Variants in TMPRSS11F observed in about 807,000 individuals in gnomAD.
TMPRSS11F encodes the protein transmembrane serine protease 11F.
TMPRSS11F carries 47 observed loss-of-function variants against 60.2 expected under a neutral mutation model. The ratio of observed to expected loss-of-function variants is 0.78; its 90% CI spans 0.62 to 1.00. The LOEUF (loss-of-function observed/expected upper bound fraction) is 1.00. TMPRSS11F is among the 50% of genes least tolerant of loss of function. TMPRSS11F has a pLI of 0.00. For synonymous variants in TMPRSS11F, 166 were observed against 167.3 expected (o/e 0.99, Z 0.06); for missense variants, 519 against 522.9 (o/e 0.99, Z 0.07).
At chr4:68,123,244 C>T (rs1322920178) in intron 1 of TMPRSS11F, among the ~76,000 whole-genome samples, 4 of 152,168 alleles carry the variant, frequency 2.6e-5, no homozygotes, top group Non-Finnish European at 5.9e-5. Flanking sequence ...AGTACACTGA[C>T]TAAATTCTTG....
chr4:68,094,539 T>G (rs1405704220), intron 2 of TMPRSS11F, among the ~76,000 whole-genome samples: 3 of 147,728 alleles, frequency 2.0e-5, no homozygotes, highest in Non-Finnish European at 4.5e-5. Context: ...CCCTAAAACT[T>G]AAAGTATAAT....
intron 7 of TMPRSS11F, among the ~76,000 whole-genome samples, chr4:68,068,225 T>C (rs1723370052): frequency 6.6e-6 from 1 of 152,140 alleles, no homozygotes; most frequent in Non-Finnish European, 1.5e-5. Context: ...ATTTGTAAAG[T>C]GATGGCAATG....
chr4:68,066,019 G>A (rs1266627715), intron 7 of TMPRSS11F, among the ~76,000 whole-genome samples: 2 of 151,004 alleles, frequency 1.3e-5, no homozygotes, highest in East Asian at 3.9e-4. Flanking sequence ...AGGAAGCTGA[G>A]GCAGGAGAAT....
chr4:68,122,624 C>T (rs967108911), intron 1 of TMPRSS11F, among the ~76,000 whole-genome samples: 2 of 152,108 alleles, frequency 1.3e-5, no homozygotes, highest in Non-Finnish European at 1.5e-5. Flanking sequence ...GTCATTTATT[C>T]TAATGCATAG....
chr4:68,063,352 TTCTC>T (rs1255135516), intron 8 of TMPRSS11F: 18 of 442,612 alleles, frequency 4.1e-5, no homozygotes, highest in African/African-American at 8.2e-5. Context: ...GTTAATCTTT[TTCTC>T]TCTTTTTTTT....
At chr4:68,060,385 G>A (rs1276287891) in intron 8 of TMPRSS11F, among the ~76,000 whole-genome samples, 2 of 150,440 alleles carry the variant, frequency 1.3e-5, no homozygotes, top group African/African-American at 2.4e-5. Flanking sequence ...GCGTGATGGC[G>A]GGTGCCTGTA....
chr4:68,095,759 G>C lies in TMPRSS11F; in HGVS notation c.163+3128C>G, dbSNP rs531061619. On this transcript the variant is annotated intron_variant, in intron 2 of 9. Transcript: ENST00000356291. Reference sequence around the variant, plus strand: ...AAAAACACAAAAATTATCTGGGCATGGTGGCGGGTGCCTGTAATCCCAGCT... The same window carrying C: ...AAAAACACAAAAATTATCTGGGCATCGTGGCGGGTGCCTGTAATCCCAGCT... Among the ~76,000 whole-genome samples, 461 of 152,152 alleles carry C rather than the reference G, an allele frequency of 3.0e-3. 5 individuals carry two copies. Among genetic ancestry groups the C allele is most frequent in the African/African-American group, 0.011 (441 of 41,542 alleles).
At chr4:68,063,225 A>T in intron 8 of TMPRSS11F, 1 of 582,514 alleles carries the variant, frequency 1.7e-6, no homozygotes. Context: ...AAAACAGGTA[A>T]GTTCATGTAC....
At chr4:68,108,705 C>G (rs1003564846) in intron 1 of TMPRSS11F, among the ~76,000 whole-genome samples, 2 of 152,108 alleles carry the variant, frequency 1.3e-5, no homozygotes, top group South Asian at 4.2e-4. Context: ...AAATAAGGAA[C>G]CAGCATGCCA....
At chr4:68,075,757 G>A (rs1018040379) in intron 3 of TMPRSS11F, among the ~76,000 whole-genome samples, 2 of 152,118 alleles carry the variant, frequency 1.3e-5, no homozygotes, top group African/African-American at 2.4e-5. Flanking sequence ...CACTCTGGGA[G>A]GCCAAGGCGG....
intron 7 of TMPRSS11F, among the ~76,000 whole-genome samples, chr4:68,065,772 A>G (rs1723312672): frequency 6.6e-6 from 1 of 151,628 alleles, no homozygotes; most frequent in Admixed American, 6.6e-5. Flanking sequence ...TGTAATAAAA[A>G]AAAAAAACCT....
At chr4:68,106,333 CAGAT>C (rs537075529) in intron 1 of TMPRSS11F, among the ~76,000 whole-genome samples, 1 of 152,076 alleles carries the variant, frequency 6.6e-6, no homozygotes, top group African/African-American at 2.4e-5. Flanking sequence ...CAACGGGAGA[CAGAT>C]AGTAAAAAGC....
intron 1 of TMPRSS11F, among the ~76,000 whole-genome samples, chr4:68,118,920 G>A (rs1412605404): frequency 6.6e-6 from 1 of 152,066 alleles, no homozygotes; most frequent in Non-Finnish European, 1.5e-5. Context: ...TCAAAAGCTA[G>A]AAATAATTAA....
chr4:68,095,008 G>A (rs566770172), intron 2 of TMPRSS11F, among the ~76,000 whole-genome samples: 2 of 151,986 alleles, frequency 1.3e-5, no homozygotes, highest in East Asian at 3.9e-4. Context: ...AAAATACTGA[G>A]ACAACTGGCA....
At chr4:68,066,689 A>C (rs889164358) in intron 7 of TMPRSS11F, among the ~76,000 whole-genome samples, 6 of 152,138 alleles carry the variant, frequency 3.9e-5, no homozygotes, top group Admixed American at 3.9e-4. Flanking sequence ...TAATCCCAGC[A>C]CTATGGGAGG....
In TMPRSS11F at chr4:68,098,907, A is replaced by G; in HGVS notation, c.143T>C (p.Val48Ala). The G allele has an allele frequency of 6.2e-7, 1 of 1,612,444 alleles. No homozygotes were observed. ...CTTACCCTCAACAACAAAATGAGTA[A>G]CAATACCAATTGCAATTCCTATGAT... Reference protein sequence around the residue: ...VAIIGIAIGIVTHFVVEDDKS... With the variant: ...VAIIGIAIGIATHFVVEDDKS... The change falls in exon 2 of 10, where the codon GTT becomes GCT. Residue 48 changes from valine to alanine, a missense_variant. Physicochemically the swap from Val to Ala is moderately conservative, Grantham distance 64 (BLOSUM62 0). Coordinates refer to ENST00000356291, the MANE Select transcript of TMPRSS11F (RefSeq NM_207407.2).
chr4:68,062,834 GTTAAC>G (rs767387618), intron 8 of TMPRSS11F: 3 of 769,200 alleles, frequency 3.9e-6, no homozygotes, highest in Non-Finnish European at 7.2e-6. Flanking sequence ...TTTCCGTAGA[GTTAAC>G]TTAACATATG....
intron 2 of TMPRSS11F, among the ~76,000 whole-genome samples, chr4:68,097,324 C>T (rs773192074): frequency 2.0e-5 from 3 of 152,140 alleles, no homozygotes; most frequent in African/African-American, 4.8e-5. Context: ...TCCTTCTAGA[C>T]GCTGTAAGGC....
At chr4:68,125,949 TATC>T (rs1324818202) in intron 1 of TMPRSS11F, among the ~76,000 whole-genome samples, 2 of 152,170 alleles carry the variant, frequency 1.3e-5, no homozygotes, top group Non-Finnish European at 2.9e-5. Flanking sequence ...AGTAAAATGT[TATC>T]ATATAAACTG....
Sources: allele counts gnomAD v4.1 joint callset (sites outside exome capture counted in the v4.1 genomes callset), GRCh38; gene constraint gnomAD v4.1.1; transcripts MANE v1.5; gene names NCBI Gene and HGNC (gene_info 2026-07-23, HGNC 2026-07-21).